Variants in SLC25A26 observed in about 807,000 individuals in gnomAD.
The protein encoded by SLC25A26 is solute carrier family 25 member 26.
SLC25A26 carries 36 observed loss-of-function variants against 37.8 expected under a neutral mutation model. The ratio of observed to expected loss-of-function variants is 0.95; its 90% CI spans 0.73 to 1.26. The LOEUF is 1.26. Ranked by LOEUF, SLC25A26 falls within the 50% of genes most tolerant of loss-of-function variation. SLC25A26 has a pLI of 0.00. For missense variants in SLC25A26, 390 were observed against 331.1 expected, an observed-to-expected ratio of 1.18 and a Z score of -1.38; for synonymous variants, 129 against 122.5, an observed-to-expected ratio of 1.05 and a Z score of -0.35.
At chr3:66,307,385 T>C (rs1288320176) in intron 5 of SLC25A26, among the ~76,000 whole-genome samples, 1 of 151,808 alleles carries the variant, frequency 6.6e-6, no homozygotes, top group Non-Finnish European at 1.5e-5. Flanking sequence ...TTTAAGTTCC[T>C]TGTAGATTCT....
intron 5 of SLC25A26, among the ~76,000 whole-genome samples, chr3:66,310,518 G>T (rs1045190032): frequency 6.6e-6 from 1 of 152,190 alleles, no homozygotes. Flanking sequence ...ATATTGTTAT[G>T]TGTGAATTCG....
chr3:66,262,038 A>C lies in SLC25A26; in HGVS notation c.301-13A>C. ...TATTTACTTTTTAGGATATAATCAA[A>C]TTTGTCTTTTAGGTTGCCTGCCTGA... On this transcript the variant is annotated splice_polypyrimidine_tract_variant and intron_variant, in intron 3 of 9. Transcript: ENST00000354883. 6.6e-7 allele frequency: 1 copy of C among 1,510,010 alleles called. No homozygotes were observed. Among genetic ancestry groups the C allele is most frequent in the South Asian group, 1.3e-5 (1 of 79,582 alleles). The allele number at this position is 1,510,010 out of a possible 1,614,324, so 93.5% of individuals were successfully genotyped here.
chr3:66,324,791 G>A (rs1024158258), intron 5 of SLC25A26, among the ~76,000 whole-genome samples: 2 of 129,246 alleles, frequency 1.5e-5, no homozygotes, highest in Non-Finnish European at 3.2e-5. Context: ...TCTTTTGTAA[G>A]CACAGGTTTT....
chr3:66,185,098 G>A (rs969678776), intron 1 of SLC25A26, among the ~76,000 whole-genome samples: 3 of 152,124 alleles, frequency 2.0e-5, no homozygotes, highest in South Asian at 2.1e-4. Context: ...CTCTGTACCC[G>A]TTAAATAACA....
intron 3 of SLC25A26, among the ~76,000 whole-genome samples, chr3:66,253,023 G>GCCCCCC (rs33979268): frequency 9.4e-6 from 1 of 106,694 alleles, no homozygotes; most frequent in African/African-American, 4.0e-5. Context: ...GCAAAATAAT[G>GCCCCCC]CCCCCCCCCC....
At chr3:66,240,021 G>A (rs2072496026) in intron 2 of SLC25A26, among the ~76,000 whole-genome samples, 1 of 151,984 alleles carries the variant, frequency 6.6e-6, no homozygotes, top group Non-Finnish European at 1.5e-5. Flanking sequence ...CACTTCATCT[G>A]GGTCCTGTGG....
chr3:66,189,994 T>A (rs2070906098), intron 1 of SLC25A26, among the ~76,000 whole-genome samples: 1 of 151,994 alleles, frequency 6.6e-6, no homozygotes, highest in Admixed American at 6.5e-5. Flanking sequence ...GCTGCTTTGA[T>A]ATGTGGTCTC....
At chr3:66,377,506 C>T (rs1171960938) in intron 9 of SLC25A26, among the ~76,000 whole-genome samples, 184 bp from the exon 10 acceptor site, 1 of 151,808 alleles carries the variant, frequency 6.6e-6, no homozygotes, top group Non-Finnish European at 1.5e-5. Flanking sequence ...GGAAAAATGG[C>T]ATGAAAGTTT....
At chr3:66,264,471 G>T (rs1167720484) in intron 5 of SLC25A26, among the ~76,000 whole-genome samples, 1 of 152,190 alleles carries the variant, frequency 6.6e-6, no homozygotes, top group Non-Finnish European at 1.5e-5. Flanking sequence ...AGCAGGAGGT[G>T]AGCAGCAGGT....
intron 1 of SLC25A26, among the ~76,000 whole-genome samples, chr3:66,193,464 A>G: frequency 6.6e-6 from 1 of 152,298 alleles, no homozygotes; most frequent in East Asian, 1.9e-4. Flanking sequence ...GCTATCATGG[A>G]GTGAAATTCA....
chr3:66,184,991 C>T (rs1360118852), intron 1 of SLC25A26, among the ~76,000 whole-genome samples: 1 of 152,176 alleles, frequency 6.6e-6, no homozygotes, highest in East Asian at 1.9e-4. Flanking sequence ...AATTTACCAT[C>T]TTAAACATTT....
intron 1 of SLC25A26, among the ~76,000 whole-genome samples, chr3:66,165,484 C>A (rs1308823165): frequency 6.6e-6 from 1 of 152,010 alleles, no homozygotes; most frequent in African/African-American, 2.4e-5. Flanking sequence ...AGTTTCCAGG[C>A]TCTTAGAATG....
chr3:66,346,578 T>A (rs2076328508), intron 6 of SLC25A26, 170 bp downstream of exon 6: 1 of 155,556 alleles, frequency 6.4e-6, no homozygotes, highest in Non-Finnish European at 1.4e-5. Flanking sequence ...CCTTTTAAAC[T>A]TGTTCAGGTG....
chr3:66,276,516 A>C (rs2074152385), intron 5 of SLC25A26, among the ~76,000 whole-genome samples: 1 of 152,104 alleles, frequency 6.6e-6, no homozygotes, highest in South Asian at 2.1e-4. Context: ...AACTGTTTGT[A>C]TGGGCAGAAC....
intron 1 of SLC25A26, among the ~76,000 whole-genome samples, chr3:66,205,292 A>G (rs1385234644): frequency 6.6e-6 from 1 of 152,228 alleles, no homozygotes; most frequent in Non-Finnish European, 1.5e-5. Context: ...TAAATAACAA[A>G]TAAATGAATT....
intron 5 of SLC25A26, among the ~76,000 whole-genome samples, chr3:66,324,318 T>C (rs1479992552): frequency 1.3e-5 from 2 of 152,036 alleles, no homozygotes; most frequent in Non-Finnish European, 2.9e-5. Flanking sequence ...GTTTTCTTGC[T>C]GTCTTCTGTT....
chr3:66,369,058 AAAAACAAAAG>A (rs1559746495), intron 7 of SLC25A26, among the ~76,000 whole-genome samples: 10 of 27,744 alleles, frequency 3.6e-4, no homozygotes, highest in African/African-American at 1.4e-3. Flanking sequence ...AACAAAAAAA[AAAAACAAAAG>A]ACAGTGGCCT....
At chr3:66,302,893 T>A (rs1268046710) in intron 5 of SLC25A26, among the ~76,000 whole-genome samples, 1 of 152,148 alleles carries the variant, frequency 6.6e-6, no homozygotes, top group East Asian at 1.9e-4. Flanking sequence ...GTTCAGTGTC[T>A]CAGTGCTAGG....
chr3:66,264,368 C>G (rs9854557), intron 5 of SLC25A26, among the ~76,000 whole-genome samples: 2 of 151,904 alleles, frequency 1.3e-5, no homozygotes, highest in African/African-American at 4.8e-5. Flanking sequence ...TGAAATAAGC[C>G]TTCTAAGACA....
Sources: allele counts gnomAD v4.1 joint callset (sites outside exome capture counted in the v4.1 genomes callset), GRCh38; gene constraint gnomAD v4.1.1; transcripts MANE v1.5; gene names NCBI Gene and HGNC (gene_info 2026-07-23, HGNC 2026-07-21).